Variants in KANSL1L observed in about 807,000 individuals in gnomAD.
KANSL1L encodes the protein KAT8 regulatory NSL complex subunit 1-like protein.
In KANSL1L, 25 loss-of-function variants were observed where a neutral mutation model predicts 108.6. The observed-to-expected ratio is 0.23, with a 90% CI of 0.17 to 0.32. The LOEUF (loss-of-function observed/expected upper bound fraction) is 0.32. Ranked by LOEUF, KANSL1L falls within the 10% of genes least tolerant of loss-of-function variation. KANSL1L has a pLI of 1.00. For missense variants in KANSL1L, 1,137 were observed against 1,125.7 expected, an observed-to-expected ratio of 1.01 and a Z score of -0.14; for synonymous variants, 405 against 395.1, an observed-to-expected ratio of 1.03 and a Z score of -0.30.
chr2:210,118,797 T>C (rs1244623469), intron 3 of KANSL1L, among the ~76,000 whole-genome samples: 1 of 150,934 alleles, frequency 6.6e-6, no homozygotes, highest in Non-Finnish European at 1.5e-5. Context: ...TGAGTCGAAA[T>C]TGTGCCACTC....
chr2:210,089,912 T>A (rs979353326), intron 5 of KANSL1L, among the ~76,000 whole-genome samples: 1 of 152,134 alleles, frequency 6.6e-6, no homozygotes, highest in Non-Finnish European at 1.5e-5. Flanking sequence ...CTAGTAACTG[T>A]ATAATGAATG....
intron 3 of KANSL1L, among the ~76,000 whole-genome samples, chr2:210,115,024 G>A (rs1406868412): frequency 1.3e-5 from 2 of 151,726 alleles, no homozygotes; most frequent in Non-Finnish European, 2.9e-5. Flanking sequence ...CAGTAGTGCA[G>A]GAAATGAAAA....
In KANSL1L at chr2:210,037,530, T is replaced by C. The variant is rs536172215; in HGVS notation, c.2029+2890A>G. Among the ~76,000 whole-genome samples the C allele has an allele frequency of 5.0e-4, 76 of 152,344 alleles. 1 individual carries two copies. Among genetic ancestry groups the C allele is most frequent in the South Asian group, 1.2e-3 (6 of 4,832 alleles). Reference sequence around the variant, plus strand: ...CCTAAGCATAGATAACTGTTCTTCATCCTTGGTGCCTTCATCTTTTTTCTC... The same window carrying C: ...CCTAAGCATAGATAACTGTTCTTCACCCTTGGTGCCTTCATCTTTTTTCTC... On this transcript the variant is annotated intron_variant, in intron 8 of 14. Transcript: ENST00000281772.
Position 210,154,221 on chromosome 2 carries a change from A to G in KANSL1L, c.362T>C (p.Leu121Pro), listed in dbSNP as rs748349027. The change falls in exon 2 of 15, where the codon CTC (leucine) becomes CCC (proline). Residue 121 changes from leucine (L) to proline (P), a missense_variant. Physicochemically the swap from Leu to Pro is moderately conservative, Grantham distance 98 (BLOSUM62 -3). This residue lies in a region of KANSL1L where 556 missense variants were observed against 537.7 expected (regional missense o/e 1.03). Transcript: ENST00000281772. The part of the protein sequence containing the change: ...NILYNGSNIQ[L>P]SKICLSHSEE... Reference sequence around the variant, plus strand: ...AGAATGAGAAAGACAGATTTTACTGAGCTGAATGTTGCTGCCATTATACAG... The same window carrying G: ...AGAATGAGAAAGACAGATTTTACTGGGCTGAATGTTGCTGCCATTATACAG... 14 of 1,613,916 alleles carry G rather than the reference A, an allele frequency of 8.7e-6. No homozygotes were observed. Among genetic ancestry groups the G allele is most frequent in the Non-Finnish European group, 1.2e-5 (14 of 1,180,004 alleles).
At position 210,041,516 on chromosome 2, in the gene KANSL1L, T is replaced by C. The variant is rs181754245; in HGVS notation, c.1922-989A>G. Among the ~76,000 whole-genome samples the C allele has an allele frequency of 1.7e-4, 26 of 152,268 alleles. No homozygotes were observed. In the East Asian group the frequency reaches 4.8e-3, roughly 28 times the overall value. On this transcript the variant is annotated intron_variant, in intron 7 of 14. Transcript: ENST00000281772. ...AGTAGCATGATTCTGGCCCACTACA[T>C]TCTCAATCTCCTGGGCGCAAGCAAT...
chr2:210,111,362 T>C (rs1240640849), intron 3 of KANSL1L, among the ~76,000 whole-genome samples: 3 of 152,150 alleles, frequency 2.0e-5, no homozygotes, highest in Non-Finnish European at 4.4e-5. Context: ...CTAAAAGCAT[T>C]ATGCTAAGTG....
At chr2:210,116,057 T>G (rs962760939) in intron 3 of KANSL1L, among the ~76,000 whole-genome samples, 1 of 152,314 alleles carries the variant, frequency 6.6e-6, no homozygotes, top group South Asian at 2.1e-4. Context: ...GGGAGCCCAC[T>G]GTCCTGAAGG....
At position 210,028,966 on chromosome 2, in the gene KANSL1L, T is replaced by C. The variant is rs1213691031; in HGVS notation, c.2275A>G (p.Thr759Ala). ...TCACTTCTCAATCTCCGTCGTGCAG[T>C]ATTCTGCAAAACAGGATTACAGTAG... ...LSRIQNSSRNTARRRLRSESS... is the reference protein window; with the variant it reads ...LSRIQNSSRNAARRRLRSESS... The change falls in exon 11 of 15, where the codon ACT becomes GCT. Residue 759 changes from threonine to alanine, a missense_variant. Physicochemically the swap from Thr to Ala is moderately conservative, Grantham distance 58. This residue lies in a region of KANSL1L where 575 missense variants were observed against 567.1 expected (regional missense o/e 1.01). Coordinates refer to ENST00000281772, the MANE Select transcript of KANSL1L (RefSeq NM_152519.4). 6.2e-7 allele frequency: 1 copy of C among 1,609,252 alleles called. No homozygotes were observed. The highest frequency in any genetic ancestry group is 8.5e-7 in the Non-Finnish European group (1 of 1,177,290).
intron 2 of KANSL1L, among the ~76,000 whole-genome samples, chr2:210,150,612 A>C (rs1445139057): frequency 6.6e-6 from 1 of 151,802 alleles, no homozygotes; most frequent in Non-Finnish European, 1.5e-5. Flanking sequence ...GAGAAACCCT[A>C]TCTCTACTAA....
rs762697970 is a variant in KANSL1L at position 210,024,044 on chromosome 2, G to C, written c.2722C>G (p.Gln908Glu). Reference sequence around the variant, plus strand: ...CATATTACACTTACCTTGGTTTCTTGACTTTGATTTAAAGAAGGTAAGCCA... The same window carrying C: ...CATATTACACTTACCTTGGTTTCTTCACTTTGATTTAAAGAAGGTAAGCCA... ...AYGLPSLNQS[Q>E]ETKSLWWERR... Residue 908 changes from glutamine (Q) to glutamate (E), a missense_variant, in exon 14 of 15, where the codon CAA becomes GAA. Gln to Glu is a conservative substitution (Grantham distance 29). Coordinates refer to ENST00000281772, the MANE Select transcript of KANSL1L (RefSeq NM_152519.4). 2.7e-5 allele frequency: 42 copies of C among 1,570,552 alleles called. 1 individual carries two copies. The highest frequency in any genetic ancestry group is 3.5e-5 in the Non-Finnish European group (41 of 1,159,636).
chr2:210,092,398 C>T (rs764992183), intron 5 of KANSL1L, among the ~76,000 whole-genome samples: 1 of 152,098 alleles, frequency 6.6e-6, no homozygotes, highest in Admixed American at 6.5e-5. Context: ...TCTAATACTT[C>T]TTCTATGTCA....
At chr2:210,096,953 AT>A (rs2094742166) in intron 5 of KANSL1L, 1 of 264,930 alleles carries the variant, frequency 3.8e-6, no homozygotes, top group Non-Finnish European at 5.8e-6. Context: ...TTATTTATTT[AT>A]TTTTTTGGAG....
intron 6 of KANSL1L, among the ~76,000 whole-genome samples, chr2:210,067,716 C>CAAAAAAAAAAAAAAAAAAAAA (rs569072484): frequency 1.1e-5 from 1 of 92,948 alleles, no homozygotes; most frequent in African/African-American, 4.6e-5. Flanking sequence ...ACCCTGTCTC[C>CAAAAAAAAAAAAAAAAAAAAA]AAAAAAAAAA....
chr2:210,138,992 G>A (rs575854564), intron 2 of KANSL1L, among the ~76,000 whole-genome samples: 1 of 152,122 alleles, frequency 6.6e-6, no homozygotes, highest in East Asian at 1.9e-4. Context: ...CCAGCTACTG[G>A]GGAGGCTGAG....
chr2:210,150,247 A>G (rs1437683632), intron 2 of KANSL1L, among the ~76,000 whole-genome samples: 1 of 152,164 alleles, frequency 6.6e-6, no homozygotes, highest in Non-Finnish European at 1.5e-5. Context: ...TTCAAACCAG[A>G]ACCCAATTTT....
chr2:210,146,314 G>T (rs1408389956), intron 2 of KANSL1L, among the ~76,000 whole-genome samples: 1 of 152,164 alleles, frequency 6.6e-6, no homozygotes, highest in African/African-American at 2.4e-5. Flanking sequence ...TTCATGGAAA[G>T]ATATCTAGTT....
chr2:210,130,745 C>G (rs1223805177), intron 2 of KANSL1L, among the ~76,000 whole-genome samples: 2 of 152,036 alleles, frequency 1.3e-5, no homozygotes, highest in African/African-American at 2.4e-5. Context: ...ATCACAAAAT[C>G]AGAGAAGGCA....
chr2:210,051,526 T>A (rs1216708399), intron 6 of KANSL1L, among the ~76,000 whole-genome samples: 1 of 152,172 alleles, frequency 6.6e-6, no homozygotes, highest in Non-Finnish European at 1.5e-5. Context: ...TTAGTTCTAA[T>A]AATTTATTGA....
At chr2:210,033,296 C>A (rs970440411) in intron 8 of KANSL1L, among the ~76,000 whole-genome samples, 2 of 152,178 alleles carry the variant, frequency 1.3e-5, no homozygotes, top group African/African-American at 4.8e-5. Context: ...AAGAAAACAG[C>A]ATGGCAGGAG....
Sources: gnomAD v4.1 joint callset for allele counts (sites outside exome capture counted in the v4.1 genomes callset) on GRCh38, gnomAD v4.1.1 for gene constraint, gnomAD v4.1.1 regional missense constraint, MANE v1.5 for transcripts, NCBI Gene and HGNC (gene_info 2026-07-23, HGNC 2026-07-21) for gene names.